LRRC4C: variants seen among roughly 807,000 people sequenced by gnomAD.
LRRC4C encodes the protein leucine-rich repeat-containing protein 4C.
LRRC4C carries 5 observed loss-of-function variants against 33.6 expected under a neutral mutation model. The ratio of observed to expected loss-of-function variants is 0.15; its 90% confidence interval spans 0.08 to 0.31. LRRC4C has a LOEUF of 0.31. Among genes scored for constraint, LRRC4C ranks in the 10% least tolerant of loss-of-function variants. The probability of loss-of-function intolerance (pLI) is 1.00; values close to 1 mark genes in which losing one functional copy is unlikely to be tolerated. For missense variants in LRRC4C, 560 were observed against 796.7 expected (o/e 0.70, Z 3.58); for synonymous variants, 329 against 302.0 (o/e 1.09, Z -0.93).
intron 2 of LRRC4C, among the ~76,000 whole-genome samples, chr11:40,897,102 G>T (rs1955982969): frequency 6.6e-6 from 1 of 152,144 alleles, no homozygotes; most frequent in Non-Finnish European, 1.5e-5. Context: ...TCAGTGTTCA[G>T]ATCACTAAAT....
At chr11:40,175,316 C>T (rs902679244) in intron 5 of LRRC4C, among the ~76,000 whole-genome samples, 2 of 152,330 alleles carry the variant, frequency 1.3e-5, no homozygotes, top group Admixed American at 6.5e-5. Flanking sequence ...GGTAAAAATG[C>T]GTGAGCATTT....
intron 1 of LRRC4C, among the ~76,000 whole-genome samples, chr11:41,366,285 T>C (rs1426815136): frequency 6.6e-6 from 1 of 152,060 alleles, no homozygotes; most frequent in Non-Finnish European, 1.5e-5. Context: ...AAATTACTTA[T>C]TCCTGCCAGT....
At chr11:41,068,972 GA>G (rs527854961) in intron 1 of LRRC4C, among the ~76,000 whole-genome samples, 147 of 152,200 alleles carry the variant, frequency 9.7e-4, no homozygotes, top group African/African-American at 3.4e-3. Flanking sequence ...ATCAAAAAAA[GA>G]AAACTCAGGC....
At chr11:40,714,175 A>G (rs182090544) in intron 2 of LRRC4C, among the ~76,000 whole-genome samples, 5 of 152,312 alleles carry the variant, frequency 3.3e-5, no homozygotes, top group Admixed American at 2.6e-4. Flanking sequence ...TCAAGCATCA[A>G]GATGACTGTA....
chr11:40,845,283 C>T (rs1422619374), intron 2 of LRRC4C, among the ~76,000 whole-genome samples: 1 of 152,050 alleles, frequency 6.6e-6, no homozygotes, highest in African/African-American at 2.4e-5. Flanking sequence ...TTAGGTATTT[C>T]ATCTAACATT....
intron 1 of LRRC4C, among the ~76,000 whole-genome samples, chr11:40,942,619 G>C (rs924474616): frequency 2.0e-5 from 3 of 152,118 alleles, no homozygotes; most frequent in African/African-American, 7.2e-5. Context: ...GTGGGATTCA[G>C]ATTGGGAAGA....
At chr11:40,598,587 G>C (rs1959623236) in intron 3 of LRRC4C, among the ~76,000 whole-genome samples, 1 of 152,154 alleles carries the variant, frequency 6.6e-6, no homozygotes, top group South Asian at 2.1e-4. Flanking sequence ...AATGCTCTGT[G>C]CTATCCTCAC....
At chr11:41,287,673 C>T (rs1286963737) in intron 1 of LRRC4C, among the ~76,000 whole-genome samples, 1 of 152,098 alleles carries the variant, frequency 6.6e-6, no homozygotes, top group Non-Finnish European at 1.5e-5. Flanking sequence ...AGTTTTTAAT[C>T]CACTGTAAAC....
chr11:40,120,916 A>G (rs1379008116), intron 6 of LRRC4C, among the ~76,000 whole-genome samples: 1 of 152,160 alleles, frequency 6.6e-6, no homozygotes, highest in Admixed American at 6.5e-5. Flanking sequence ...TCTATACCTT[A>G]CTTTCCCCAT....
intron 1 of LRRC4C, among the ~76,000 whole-genome samples, chr11:41,293,799 G>A (rs1217828375): frequency 1.3e-5 from 2 of 151,960 alleles, no homozygotes; most frequent in African/African-American, 4.8e-5. Flanking sequence ...GTTTCACCAC[G>A]TATGCCAGGC....
intron 3 of LRRC4C, among the ~76,000 whole-genome samples, chr11:40,332,933 G>T (rs1946428343): frequency 6.6e-6 from 1 of 152,080 alleles, no homozygotes; most frequent in Non-Finnish European, 1.5e-5. Context: ...GTTTCTCTCT[G>T]TCTCTGAAAT....
chr11:41,237,185 T>C (rs528158899), intron 1 of LRRC4C, among the ~76,000 whole-genome samples: 1 of 152,300 alleles, frequency 6.6e-6, no homozygotes, highest in African/African-American at 2.4e-5. Context: ...TTATAAAAAA[T>C]AGAGAAAATG....
intron 3 of LRRC4C, among the ~76,000 whole-genome samples, chr11:40,513,505 G>A (rs1955428667): frequency 6.6e-6 from 1 of 152,062 alleles, no homozygotes; most frequent in African/African-American, 2.4e-5. Flanking sequence ...CAGCTGATAA[G>A]TACACAGGGC....
At chr11:41,214,758 AAT>A (rs549204182) in intron 1 of LRRC4C, among the ~76,000 whole-genome samples, 24 of 141,248 alleles carry the variant, frequency 1.7e-4, no homozygotes, top group Non-Finnish European at 2.8e-4. Flanking sequence ...TCAAAAATAA[AAT>A]ATATATATAT....
intron 3 of LRRC4C, among the ~76,000 whole-genome samples, chr11:40,496,507 G>T (rs1954466553): frequency 6.6e-6 from 1 of 151,876 alleles, no homozygotes; most frequent in Non-Finnish European, 1.5e-5. Context: ...CATATTCTTG[G>T]TTTTTATTTT....
At chr11:41,242,733 A>G (rs1948303255) in intron 1 of LRRC4C, among the ~76,000 whole-genome samples, 1 of 152,096 alleles carries the variant, frequency 6.6e-6, no homozygotes, top group South Asian at 2.1e-4. Context: ...GGAGTTAGCA[A>G]TTTACTATTA....
chr11:40,449,406 A>G (rs927628409), intron 3 of LRRC4C, among the ~76,000 whole-genome samples: 1 of 152,078 alleles, frequency 6.6e-6, no homozygotes, highest in Non-Finnish European at 1.5e-5. Flanking sequence ...GATACCTAGG[A>G]GAAGGCATGT....
intron 2 of LRRC4C, among the ~76,000 whole-genome samples, chr11:40,745,128 T>G (rs1387264576): frequency 1.3e-5 from 2 of 152,200 alleles, no homozygotes; most frequent in African/African-American, 2.4e-5. Context: ...TTGTTTATGG[T>G]CCTGATAAAA....
intron 1 of LRRC4C, among the ~76,000 whole-genome samples, chr11:41,145,062 T>C (rs1291749921): frequency 6.6e-6 from 1 of 152,140 alleles, no homozygotes; most frequent in Non-Finnish European, 1.5e-5. Flanking sequence ...TATGAGACCT[T>C]AAGGAAAAAT....
Sources: gnomAD v4.1 joint callset for allele counts (sites outside exome capture counted in the v4.1 genomes callset) on GRCh38, gnomAD v4.1.1 for gene constraint, MANE v1.5 for transcripts, NCBI Gene and HGNC (gene_info 2026-07-23, HGNC 2026-07-21) for gene names.